The following DCC variants were observed in gnomAD, a reference collection of about 807,000 sequenced individuals.
DCC encodes DCC netrin 1 receptor, also known as netrin receptor DCC.
In DCC, 58 loss-of-function variants were observed where a neutral mutation model predicts 172.5. The observed-to-expected ratio is 0.34, with a 90% CI of 0.27 to 0.42. The LOEUF (loss-of-function observed/expected upper bound fraction) is 0.42. Ranked by LOEUF, DCC falls within the 10% of genes least tolerant of loss-of-function variation. The pLI, the probability that DCC is intolerant of heterozygous loss-of-function variation, is 1.00. For synonymous variants in DCC, 709 were observed against 644.5 expected (o/e 1.10, Z -1.52); for missense variants, 1,740 against 1,791.0 (o/e 0.97, Z 0.51).
intron 1 of DCC, among the ~76,000 whole-genome samples, chr18:52,535,089 C>T (rs1035410514): frequency 3.3e-5 from 5 of 152,178 alleles, no homozygotes; most frequent in African/African-American, 7.2e-5. Context: ...ATGGCATTAT[C>T]AGTCACTGCA....
chr18:53,082,452 T>A (rs866339664), intron 7 of DCC, among the ~76,000 whole-genome samples: 2 of 152,264 alleles, frequency 1.3e-5, no homozygotes, highest in South Asian at 4.1e-4. Context: ...CACTGTCATA[T>A]ACAAAGAGCT....
At chr18:52,533,870 G>T (rs2032217411) in intron 1 of DCC, among the ~76,000 whole-genome samples, 1 of 152,030 alleles carries the variant, frequency 6.6e-6, no homozygotes, top group Admixed American at 6.6e-5. Flanking sequence ...GCAGTGTATA[G>T]GTGATCCAGT....
intron 1 of DCC, among the ~76,000 whole-genome samples, chr18:52,623,481 G>A (rs986511178): frequency 6.6e-6 from 1 of 152,124 alleles, no homozygotes; most frequent in African/African-American, 2.4e-5. Flanking sequence ...AAGTGTGGGG[G>A]GAGAGAGAGG....
intron 19 of DCC, among the ~76,000 whole-genome samples, chr18:53,408,983 G>A (rs11082993): frequency 0.43 from 65,561 of 151,994 alleles, 15,965 homozygotes; most frequent in Non-Finnish European, 0.56. Context: ...TAAGTGATGA[G>A]TGATATAAAA....
intron 1 of DCC, among the ~76,000 whole-genome samples, chr18:52,472,347 C>G (rs2052600566): frequency 6.6e-6 from 1 of 152,138 alleles, no homozygotes; most frequent in African/African-American, 2.4e-5. Flanking sequence ...CTTCTTTTAT[C>G]CCATCAAAAG....
intron 2 of DCC, among the ~76,000 whole-genome samples, chr18:52,815,393 C>G (rs8096023): frequency 4.9e-5 from 7 of 143,270 alleles, no homozygotes; most frequent in African/African-American, 7.8e-5. Context: ...CGCTCACTTG[C>G]GCTTGCCTTC....
intron 5 of DCC, among the ~76,000 whole-genome samples, chr18:52,992,862 C>T (rs940349321): frequency 2.6e-5 from 4 of 151,932 alleles, no homozygotes; most frequent in African/African-American, 9.7e-5. Context: ...ATCGTAATCC[C>T]AGCTACATCG....
intron 25 of DCC, among the ~76,000 whole-genome samples, chr18:53,468,380 T>TTTTATTTATTTATTTTATTTA (rs1555675980): frequency 2.2e-5 from 3 of 135,152 alleles, no homozygotes; most frequent in Admixed American, 1.4e-4. Flanking sequence ...TATTTATTTA[T>TTTTATTTATTTATTTTATTTA]TTTATTTATT....
intron 1 of DCC, among the ~76,000 whole-genome samples, chr18:52,601,971 T>C (rs1048112147): frequency 5.3e-5 from 8 of 152,102 alleles, no homozygotes; most frequent in African/African-American, 1.9e-4. Flanking sequence ...AAGCTCTTGC[T>C]CTTCTGTGAA....
chr18:52,693,958 A>G (rs1222385945), intron 1 of DCC, among the ~76,000 whole-genome samples: 1 of 152,184 alleles, frequency 6.6e-6, no homozygotes. Context: ...TGTGGGCAGG[A>G]CTTAGTGACT....
intron 21 of DCC, among the ~76,000 whole-genome samples, chr18:53,430,773 A>G (rs967520950): frequency 6.6e-6 from 1 of 152,182 alleles, no homozygotes; most frequent in African/African-American, 2.4e-5. Context: ...CATTGAGAAC[A>G]CATTTTTGCA....
chr18:52,601,606 T>G (rs2034019696), intron 1 of DCC, among the ~76,000 whole-genome samples: 1 of 152,056 alleles, frequency 6.6e-6, no homozygotes, highest in African/African-American at 2.4e-5. Flanking sequence ...TAACTCCTTC[T>G]GAGGTTTTCA....
chr18:52,839,473 A>C (rs2038768527), intron 2 of DCC, among the ~76,000 whole-genome samples: 1 of 152,168 alleles, frequency 6.6e-6, no homozygotes, highest in African/African-American at 2.4e-5. Flanking sequence ...TGACAATTAC[A>C]GTCCTCTCAT....
intron 27 of DCC, among the ~76,000 whole-genome samples, chr18:53,501,543 T>A (rs1815975377): frequency 6.6e-6 from 1 of 152,148 alleles, no homozygotes; most frequent in African/African-American, 2.4e-5. Context: ...ATTTCTTCAC[T>A]CACATTTTAA....
chr18:53,386,661 C>T (rs12605576), intron 16 of DCC, among the ~76,000 whole-genome samples: 64,578 of 151,938 alleles, frequency 0.43, 15,492 homozygotes, highest in Non-Finnish European at 0.55. Flanking sequence ...CTCCAGGTCA[C>T]CCCAGCAGTG....
chr18:52,412,137 T>C (rs1986864931), intron 1 of DCC, among the ~76,000 whole-genome samples: 1 of 152,164 alleles, frequency 6.6e-6, no homozygotes, highest in African/African-American at 2.4e-5. Context: ...AAAATGAGTA[T>C]ACAAATGTAT....
intron 12 of DCC, among the ~76,000 whole-genome samples, chr18:53,278,228 A>G (rs559345485): frequency 2.0e-5 from 3 of 152,190 alleles, no homozygotes; most frequent in African/African-American, 4.8e-5. Context: ...TGGGAATTAT[A>G]TGAGTCTAGA....
intron 1 of DCC, among the ~76,000 whole-genome samples, chr18:52,432,322 C>T (rs10153352): frequency 0.41 from 62,600 of 151,908 alleles, 13,571 homozygotes; most frequent in East Asian, 0.55. Flanking sequence ...CTTTGATGTA[C>T]GAGGACATTT....
Position 53,190,947 on chromosome 18 carries a change from G to A in DCC, c.1573+11831G>A, listed in dbSNP as rs141607402. Among the ~76,000 whole-genome samples the A allele has an allele frequency of 3.8e-3, 576 of 152,072 alleles. 2 individuals carry two copies. The highest frequency in any genetic ancestry group is 0.013 in the African/African-American group (558 of 41,504). On this transcript the variant is annotated intron_variant, in intron 9 of 28. Coordinates refer to ENST00000442544, the MANE Select transcript of DCC (RefSeq NM_005215.4). ...GGAGACAGAGCGGACTCCGTCTTAA[G>A]AAACAAACAAACAAACAAACAAAAA...
Sources: gnomAD v4.1 joint callset for allele counts (sites outside exome capture counted in the v4.1 genomes callset) on GRCh38, gnomAD v4.1.1 for gene constraint, MANE v1.5 for transcripts, NCBI Gene and HGNC (gene_info 2026-07-23, HGNC 2026-07-21) for gene names.